SUPT3H: variants seen among roughly 807,000 people sequenced by gnomAD.
The protein encoded by SUPT3H is transcription initiation protein SPT3 homolog.
A neutral mutation model predicts 44.3 loss-of-function variants in SUPT3H; 44 were observed. That is an observed-to-expected ratio of 0.99 (90% CI 0.78 to 1.28). SUPT3H has a LOEUF of 1.28. Among genes scored for constraint, SUPT3H ranks in the 50% most tolerant of loss-of-function variants. The pLI, the probability that SUPT3H is intolerant of heterozygous loss-of-function variation, is 0.00. For synonymous variants in SUPT3H, 124 were observed against 125.6 expected (o/e 0.99, Z 0.09); for missense variants, 380 against 387.1 (o/e 0.98, Z 0.15).
intron 5 of SUPT3H, among the ~76,000 whole-genome samples, chr6:45,013,062 T>C (rs961419801): frequency 2.6e-5 from 4 of 152,110 alleles, no homozygotes; most frequent in Admixed American, 6.6e-5. Flanking sequence ...CCCCCACTAA[T>C]TGACAGCTGT....
At chr6:44,863,056 C>G (rs1033721995) in intron 10 of SUPT3H, among the ~76,000 whole-genome samples, 1 of 152,158 alleles carries the variant, frequency 6.6e-6, no homozygotes, top group African/African-American at 2.4e-5. Flanking sequence ...GTTATAAAAA[C>G]TCCCCTCAAA....
intron 2 of SUPT3H, among the ~76,000 whole-genome samples, chr6:45,272,683 T>C (rs1329711221): frequency 6.6e-6 from 1 of 152,114 alleles, no homozygotes; most frequent in Non-Finnish European, 1.5e-5. Context: ...ACAAAATTGC[T>C]CTTGATTGGA....
In SUPT3H at chr6:45,028,822, C is replaced by T. The variant is rs565531215; in HGVS notation, c.187-8190G>A. Reference sequence around the variant, plus strand: ...GTTCACTAAATCAAGCCTTACATTGCATAGAAAAGTCTAACCATAAAAATG... The same window carrying T: ...GTTCACTAAATCAAGCCTTACATTGTATAGAAAAGTCTAACCATAAAAATG... On this transcript the variant is annotated intron_variant, in intron 3 of 10. Transcript: ENST00000371459. Among the ~76,000 whole-genome samples the T allele has an allele frequency of 2.0e-3, 269 of 134,612 alleles. 1 individual carries two copies. The highest frequency in any genetic ancestry group is 7.1e-3 in the African/African-American group (249 of 35,300). 88.3% of individuals were successfully genotyped at this position (134,612 alleles called of 152,430 possible).
intron 11 of SUPT3H, among the ~76,000 whole-genome samples, chr6:44,809,708 T>C (rs1766381597): frequency 6.6e-6 from 1 of 152,202 alleles, no homozygotes; most frequent in Admixed American, 6.5e-5. Flanking sequence ...TTCTTAAAGT[T>C]TTGACTCCCA....
intron 2 of SUPT3H, among the ~76,000 whole-genome samples, chr6:45,346,547 T>C (rs536237907): frequency 6.7e-6 from 1 of 149,930 alleles, no homozygotes; most frequent in African/African-American, 2.5e-5. Flanking sequence ...TGGCATATAA[T>C]AGGAATTCAA....
chr6:44,844,713 C>G lies in SUPT3H; in HGVS notation c.913-14856G>C, dbSNP rs1294921676. Among the ~76,000 whole-genome samples, 3 of 152,050 alleles carry G rather than the reference C, an allele frequency of 2.0e-5. No homozygotes were observed. In the East Asian group the frequency reaches 5.8e-4, roughly 29 times the overall value. ...AAAATTATAGGGTCAGAAAACACATCAGTGATTGACAGAGCTATGGATGGT... is the reference window on the plus strand; with the variant it reads ...AAAATTATAGGGTCAGAAAACACATGAGTGATTGACAGAGCTATGGATGGT... On this transcript the variant is annotated intron_variant, in intron 10 of 10. Transcript: ENST00000371459.
chr6:45,367,563 A>G (rs1262686581), intron 1 of SUPT3H, among the ~76,000 whole-genome samples: 1 of 152,148 alleles, frequency 6.6e-6, no homozygotes, highest in Non-Finnish European at 1.5e-5. Context: ...AGGAGCCTGG[A>G]TTTCTCAAAG....
chr6:44,977,401 T>C (rs1399423725), intron 6 of SUPT3H, among the ~76,000 whole-genome samples: 1 of 152,226 alleles, frequency 6.6e-6, no homozygotes, highest in Non-Finnish European at 1.5e-5. Flanking sequence ...TATTATTACA[T>C]TTCCATTTAT....
At chr6:45,367,261 C>T (rs1319407950) in intron 1 of SUPT3H, among the ~76,000 whole-genome samples, 8 of 151,978 alleles carry the variant, frequency 5.3e-5, no homozygotes, top group Admixed American at 2.0e-4. Context: ...GCACAAAAAG[C>T]GAAGGAAAAC....
chr6:44,902,405 T>G (rs1231566246), intron 10 of SUPT3H, among the ~76,000 whole-genome samples: 15 of 152,086 alleles, frequency 9.9e-5, no homozygotes, highest in Non-Finnish European at 1.9e-4. Flanking sequence ...AAACAGACTT[T>G]AAAATTACAA....
rs188296164 is a variant in SUPT3H, at chr6:44,860,293, C to A, written c.913-30436G>T. On this transcript the variant is annotated intron_variant, in intron 10 of 10. Transcript: ENST00000371459. ...TTTTGCGTCTCTTCAGAGATATTCACAATCAACTGCTTCATGTACCCAGCT... is the reference window on the plus strand; with the variant it reads ...TTTTGCGTCTCTTCAGAGATATTCAAAATCAACTGCTTCATGTACCCAGCT... 5.6e-3 allele frequency among the ~76,000 whole-genome samples: 851 copies of A among 152,290 alleles called. 8 individuals are homozygous for A. The highest frequency in any genetic ancestry group is 0.019 in the African/African-American group (772 of 41,552).
At position 45,321,767 on chromosome 6, in the gene SUPT3H, C is replaced by T. The variant is rs1319387680; in HGVS notation, c.101+43434G>A. The T allele has an allele frequency of 6.7e-6, 10 of 1,485,024 alleles. 1 individual carries two copies. Among genetic ancestry groups the T allele is most frequent in the African/African-American group, 2.8e-5 (2 of 72,002 alleles). The allele number at this position is 1,485,024 out of a possible 1,614,324, so 92.0% of individuals were successfully genotyped here. On this transcript the variant is annotated intron_variant, in intron 2 of 10. Coordinates refer to ENST00000371459, the MANE Select transcript of SUPT3H (RefSeq NM_003599.4). ...CCCATAAACTTGTTCTCTTGAAAAG[C>T]GATAGGAACACAATTTCCCACTACT...
intron 6 of SUPT3H, among the ~76,000 whole-genome samples, chr6:44,987,919 A>T (rs1253730279): frequency 6.6e-6 from 1 of 152,142 alleles, no homozygotes; most frequent in South Asian, 2.1e-4. Flanking sequence ...ATAATCATTA[A>T]GTACCACGGG....
At chr6:44,986,389 T>C (rs139301341) in intron 6 of SUPT3H, among the ~76,000 whole-genome samples, 26 of 152,148 alleles carry the variant, frequency 1.7e-4, no homozygotes, top group African/African-American at 6.3e-4. Flanking sequence ...AGATAATACA[T>C]ATATTAGGGT....
chr6:45,326,131 C>T (rs1786300296), intron 2 of SUPT3H, among the ~76,000 whole-genome samples: 1 of 151,652 alleles, frequency 6.6e-6, no homozygotes, highest in Non-Finnish European at 1.5e-5. Flanking sequence ...CTTATCAGGT[C>T]AATTTGAAGA....
chr6:44,950,122 A>G (rs1388581538), intron 9 of SUPT3H, among the ~76,000 whole-genome samples: 1 of 152,160 alleles, frequency 6.6e-6, no homozygotes, highest in Non-Finnish European at 1.5e-5. Flanking sequence ...ATAGTTGAAG[A>G]CTTATCTTTC....
At chr6:44,900,545 C>T (rs558491692) in intron 10 of SUPT3H, among the ~76,000 whole-genome samples, 221 of 152,304 alleles carry the variant, frequency 1.5e-3, no homozygotes, top group African/African-American at 5.0e-3. Context: ...TGGGTGGAGC[C>T]CACCACAACT....
At chr6:44,975,416 T>C (rs1399895950) in intron 6 of SUPT3H, among the ~76,000 whole-genome samples, 2 of 152,104 alleles carry the variant, frequency 1.3e-5, no homozygotes, top group Non-Finnish European at 2.9e-5. Flanking sequence ...AGGAATGAAA[T>C]AATGGCATCT....
chr6:45,277,455 A>C (rs1051824311), intron 2 of SUPT3H, among the ~76,000 whole-genome samples: 2 of 152,180 alleles, frequency 1.3e-5, no homozygotes, highest in African/African-American at 4.8e-5. Context: ...AATAGATGAC[A>C]ATCAGTGGGA....
Sources: gnomAD v4.1 joint callset for allele counts (sites outside exome capture counted in the v4.1 genomes callset) on GRCh38, gnomAD v4.1.1 for gene constraint, MANE v1.5 for transcripts, NCBI Gene and HGNC (gene_info 2026-07-23, HGNC 2026-07-21) for gene names.